The following GADL1 variants were observed in gnomAD, a reference collection of about 807,000 sequenced individuals.
The protein encoded by GADL1 is acidic amino acid decarboxylase GADL1.
Under a neutral mutation model 69.5 loss-of-function variants are expected in GADL1, and 71 were observed. The observed-to-expected ratio is 1.02, with a 90% CI of 0.84 to 1.25. The LOEUF (loss-of-function observed/expected upper bound fraction) is 1.25. GADL1 is among the 50% of genes most tolerant of loss of function. The probability of loss-of-function intolerance (pLI) is 0.00; values close to 1 mark genes in which losing one functional copy is unlikely to be tolerated. For synonymous variants in GADL1, 254 were observed against 214.4 expected, an observed-to-expected ratio of 1.18 and a Z score of -1.62; for missense variants, 737 against 631.8, an observed-to-expected ratio of 1.17 and a Z score of -1.79.
intron 14 of GADL1, among the ~76,000 whole-genome samples, chr3:30,751,080 A>G (rs1462944079): frequency 6.6e-6 from 1 of 152,144 alleles, no homozygotes; most frequent in East Asian, 1.9e-4. Flanking sequence ...TCGCATAAGC[A>G]AAAGAACAGC....
intron 14 of GADL1, among the ~76,000 whole-genome samples, chr3:30,756,364 A>C (rs1454808108): frequency 6.6e-6 from 1 of 152,120 alleles, no homozygotes; most frequent in African/African-American, 2.4e-5. Context: ...GGATGTGTAA[A>C]CACTTGTCAA....
At chr3:30,820,436 AATC>A (rs1228930062) in intron 11 of GADL1, among the ~76,000 whole-genome samples, 2 of 152,168 alleles carry the variant, frequency 1.3e-5, no homozygotes, top group African/African-American at 4.8e-5. Context: ...ATACTGATAA[AATC>A]ATATTCTTGG....
chr3:30,770,902 A>G (rs1342531386), intron 14 of GADL1, among the ~76,000 whole-genome samples: 2 of 152,226 alleles, frequency 1.3e-5, no homozygotes, highest in African/African-American at 2.4e-5. Flanking sequence ...GGAGAGTTCA[A>G]GTTACTATCC....
chr3:30,793,553 G>A (rs933333811), intron 12 of GADL1, among the ~76,000 whole-genome samples: 23 of 151,528 alleles, frequency 1.5e-4, no homozygotes, highest in East Asian at 1.9e-4. Context: ...TGGCATAAAA[G>A]AGAGAAAAAA....
intron 14 of GADL1, among the ~76,000 whole-genome samples, chr3:30,757,252 T>C (rs1397158314): frequency 2.0e-5 from 3 of 151,882 alleles, no homozygotes; most frequent in Non-Finnish European, 4.4e-5. Context: ...AAGAGTCAAA[T>C]ACTCAGATCT....
chr3:30,838,834 C>T (rs541875008), intron 9 of GADL1, among the ~76,000 whole-genome samples, 163 bp downstream of exon 9: 1 of 152,250 alleles, frequency 6.6e-6, no homozygotes, highest in South Asian at 2.1e-4. Context: ...GGAATCTTCT[C>T]ATTTATACTT....
chr3:30,819,037 A>G (rs1361825780), intron 11 of GADL1, among the ~76,000 whole-genome samples: 1 of 152,040 alleles, frequency 6.6e-6, no homozygotes, highest in African/African-American at 2.4e-5. Context: ...AGGCACTCTT[A>G]TGCCTAGATA....
intron 11 of GADL1, among the ~76,000 whole-genome samples, chr3:30,825,167 A>G (rs996525914): frequency 6.6e-6 from 1 of 151,894 alleles, no homozygotes; most frequent in African/African-American, 2.4e-5. Context: ...GAAGCAGGAG[A>G]TTCAAGACCA....
chr3:30,840,783 C>T (rs2125527017), intron 8 of GADL1, among the ~76,000 whole-genome samples: 1 of 152,278 alleles, frequency 6.6e-6, no homozygotes, highest in Middle Eastern at 3.4e-3. Context: ...TGGATTTAAC[C>T]TAGACTTTCT....
In GADL1 at chr3:30,765,571, C is replaced by T. The variant is rs189027372; in HGVS notation, c.1392+12608G>A. ...CAGGGCTTGCTTCATGGGTGTGCAA[C>T]CTGTGCAGCTGAACAAGGCCCTGCC... On this transcript the variant is annotated intron_variant, in intron 14 of 14. Coordinates refer to ENST00000282538, the MANE Select transcript of GADL1 (RefSeq NM_207359.3). Among the ~76,000 whole-genome samples, 50 of 152,184 alleles carry T rather than the reference C, an allele frequency of 3.3e-4. 1 individual carries two copies. Among genetic ancestry groups the T allele is most frequent in the Admixed American group, 1.0e-3 (16 of 15,280 alleles).
At chr3:30,762,648 T>C (rs916387890) in intron 14 of GADL1, among the ~76,000 whole-genome samples, 17 of 152,170 alleles carry the variant, frequency 1.1e-4, no homozygotes, top group African/African-American at 4.1e-4. Flanking sequence ...TTAAGTTATT[T>C]AAAAATGTAG....
chr3:30,841,965 G>T (rs1430783045), intron 8 of GADL1, among the ~76,000 whole-genome samples: 1 of 152,168 alleles, frequency 6.6e-6, no homozygotes, highest in South Asian at 2.1e-4. Context: ...TGCAGAGGAG[G>T]TGAGCACTTA....
chr3:30,766,941 TGGA>T (rs1357212302), intron 14 of GADL1, among the ~76,000 whole-genome samples: 4 of 152,306 alleles, frequency 2.6e-5, no homozygotes, highest in African/African-American at 9.6e-5. Context: ...CAAAAAGGCA[TGGA>T]GAAGATATCT....
At chr3:30,776,895 CTG>C (rs1696553810) in intron 14 of GADL1, among the ~76,000 whole-genome samples, 1 of 152,200 alleles carries the variant, frequency 6.6e-6, no homozygotes, top group Admixed American at 6.5e-5. Flanking sequence ...AGTTCTCATG[CTG>C]TGATTCTTCC....
At chr3:30,753,003 T>C (rs1695869220) in intron 14 of GADL1, among the ~76,000 whole-genome samples, 2 of 151,152 alleles carry the variant, frequency 1.3e-5, no homozygotes, top group Non-Finnish European at 2.9e-5. Flanking sequence ...TATTAAATTT[T>C]AAAAATAGAT....
rs202119664 is a variant in GADL1, at chr3:30,778,174, C to CT, written c.1392+4dup. On this transcript the variant is annotated splice_donor_region_variant and intron_variant, in intron 14 of 14. Transcript: ENST00000282538. ...AAAGAAAAATACCATTTACTTATTA[C>CT]TTACCAAATTAAGTTTTGCCCAGAA... 4.1e-3 allele frequency: 6,237 copies of CT among 1,522,982 alleles called. 41 individuals are homozygous for CT. The highest frequency in any genetic ancestry group is 0.024 in the African/African-American group (1,709 of 71,054). 94.3% of individuals were successfully genotyped at this position (1,522,982 alleles called of 1,614,324 possible).
At chr3:30,789,888 G>A (rs183933311) in intron 12 of GADL1, among the ~76,000 whole-genome samples, 4 of 152,266 alleles carry the variant, frequency 2.6e-5, no homozygotes, top group East Asian at 3.9e-4. Flanking sequence ...GCAATGTCAT[G>A]CCTGCTTTGA....
chr3:30,864,302 G>T (rs1226621005), intron 1 of GADL1, among the ~76,000 whole-genome samples: 2 of 151,382 alleles, frequency 1.3e-5, no homozygotes, highest in East Asian at 2.0e-4. Flanking sequence ...ATTACCCAGG[G>T]AATAACAGCA....
At chr3:30,870,732 A>T (rs1214386135) in intron 1 of GADL1, among the ~76,000 whole-genome samples, 3 of 151,650 alleles carry the variant, frequency 2.0e-5, no homozygotes, top group Non-Finnish European at 4.4e-5. Flanking sequence ...AAAGTGCTGC[A>T]ACTTGGGAGA....
Sources: gnomAD v4.1 joint callset for allele counts (sites outside exome capture counted in the v4.1 genomes callset) on GRCh38, gnomAD v4.1.1 for gene constraint, MANE v1.5 for transcripts, NCBI Gene and HGNC (gene_info 2026-07-23, HGNC 2026-07-21) for gene names.